RTN1: variants seen among roughly 807,000 people sequenced by gnomAD.
RTN1 encodes the protein reticulon 1.
A neutral mutation model predicts 65.5 loss-of-function variants in RTN1; 25 were observed. The ratio of observed to expected loss-of-function variants is 0.38; its 90% confidence interval spans 0.28 to 0.53. RTN1 has a LOEUF of 0.53. RTN1 is among the 20% of genes least tolerant of loss of function. RTN1 has a pLI of 0.79. For synonymous variants in RTN1, 471 were observed against 447.6 expected (o/e 1.05, Z -0.66); for missense variants, 983 against 1,025.4 (o/e 0.96, Z 0.57).
At chr14:59,738,872 C>A (rs1032244893) in intron 2 of RTN1, among the ~76,000 whole-genome samples, 39 of 152,282 alleles carry the variant, frequency 2.6e-4, no homozygotes, top group African/African-American at 9.1e-4. Context: ...AGCTGGAGGC[C>A]ATTATCCTTA....
chr14:59,795,118 T>G (rs1455256546), intron 1 of RTN1, among the ~76,000 whole-genome samples: 1 of 152,174 alleles, frequency 6.6e-6, no homozygotes, highest in East Asian at 1.9e-4. Context: ...TGTGTGTATG[T>G]TTGTGTGCAT....
chr14:59,666,847 T>C (rs1351377736), intron 3 of RTN1, among the ~76,000 whole-genome samples: 1 of 149,558 alleles, frequency 6.7e-6, no homozygotes, highest in Non-Finnish European at 1.5e-5. Flanking sequence ...CTAGAAGAAA[T>C]GGATAAATTC....
At chr14:59,854,632 T>C (rs561205595) in intron 1 of RTN1, among the ~76,000 whole-genome samples, 3 of 91,064 alleles carry the variant, frequency 3.3e-5, no homozygotes. Context: ...AGAGCAAGAC[T>C]GCGTCTCAAA....
At chr14:59,851,344 C>T (rs542004986) in intron 1 of RTN1, among the ~76,000 whole-genome samples, 14 of 152,210 alleles carry the variant, frequency 9.2e-5, no homozygotes, top group African/African-American at 3.4e-4. Context: ...TTGTTAAAGA[C>T]TCCTTTTAGA....
rs1010876409 is a variant in RTN1, at chr14:59,836,242, T to C, written c.241+34148A>G. On this transcript the variant is annotated intron_variant, in intron 1 of 8. Coordinates refer to ENST00000267484, the MANE Select transcript of RTN1 (RefSeq NM_021136.3). This position sits in a 1 kb window ranked among gnomAD's most constrained non-coding sequence, Gnocchi z 4.9. Reference sequence around the variant, plus strand: ...GTTCCAGGGATTAGACGTGGACACCTTTGGGAGCCATTATTCTGCCTACCA... The same window carrying C: ...GTTCCAGGGATTAGACGTGGACACCCTTGGGAGCCATTATTCTGCCTACCA... Among the ~76,000 whole-genome samples the C allele has an allele frequency of 2.6e-5, 4 of 152,258 alleles. No homozygotes were observed. The highest frequency in any genetic ancestry group is 9.6e-5 in the African/African-American group (4 of 41,474).
intron 1 of RTN1, among the ~76,000 whole-genome samples, chr14:59,842,029 G>A (rs936914151): frequency 7.9e-5 from 12 of 151,922 alleles, no homozygotes; most frequent in African/African-American, 2.9e-4. Context: ...AGGAAGCTGA[G>A]GCAAGAAAAT....
intron 1 of RTN1, among the ~76,000 whole-genome samples, chr14:59,860,509 A>G (rs752508255): frequency 6.6e-6 from 1 of 152,234 alleles, no homozygotes; most frequent in Non-Finnish European, 1.5e-5. Context: ...AGAGCCCCAC[A>G]CAGACTCCCT....
intron 3 of RTN1, among the ~76,000 whole-genome samples, chr14:59,609,315 G>T (rs1881870795): frequency 6.6e-6 from 1 of 151,550 alleles, no homozygotes. Flanking sequence ...CATTCATTTG[G>T]CCTAATCCTT....
At chr14:59,607,754 G>C (rs1405209602) in intron 3 of RTN1, 2 of 481,174 alleles carry the variant, frequency 4.2e-6, no homozygotes, top group South Asian at 4.1e-5. Context: ...ACCATATCGC[G>C]ATGGGTGTAG....
intron 1 of RTN1, among the ~76,000 whole-genome samples, chr14:59,771,497 T>A (rs752333199): frequency 2.0e-4 from 31 of 152,230 alleles, no homozygotes; most frequent in Non-Finnish European, 4.0e-4. Flanking sequence ...TAAAATGCCA[T>A]GCCTAAATTA....
rs866905216 is a variant in RTN1 at position 59,745,976 on chromosome 14, G to A, written c.747C>T (p.Ile249=). Residue 249 remains isoleucine, a synonymous_variant, in exon 2 of 9, where the codon ATC becomes ATT. Transcript: ENST00000267484. Reference sequence around the variant, plus strand: ...ATTCTTCCAATAAATGGTCCTTGATGATTTTTCCCTCCACAGGAGCTGGTT... The same window carrying A: ...ATTCTTCCAATAAATGGTCCTTGATAATTTTTCCCTCCACAGGAGCTGGTT... ...PDKPAPVEGK[I]IKDHLLEEST... The A allele has an allele frequency of 6.2e-7, 1 of 1,614,118 alleles. No individual in the cohort carries two copies. Among genetic ancestry groups the A allele is most frequent in the East Asian group, 2.2e-5 (1 of 44,884 alleles).
At chr14:59,725,156 T>A (rs1884731098) in intron 3 of RTN1, among the ~76,000 whole-genome samples, 2 of 152,218 alleles carry the variant, frequency 1.3e-5, no homozygotes, top group African/African-American at 4.8e-5. Context: ...CAGCTGCAGT[T>A]TTCCATCTCC....
At position 59,711,416 on chromosome 14, in the gene RTN1, T is replaced by C. The variant is rs79332747; in HGVS notation, c.1765+15503A>G. Reference sequence around the variant, plus strand: ...CTGAGAGATAAATGCTCTTCGTGAGTAATAGTAGGAGATCCACATATAATG... The same window carrying C: ...CTGAGAGATAAATGCTCTTCGTGAGCAATAGTAGGAGATCCACATATAATG... On this transcript the variant is annotated intron_variant, in intron 3 of 8. Coordinates refer to ENST00000267484, the MANE Select transcript of RTN1 (RefSeq NM_021136.3). Among the ~76,000 whole-genome samples, 468 of 152,284 alleles carry C rather than the reference T, an allele frequency of 3.1e-3. 2 individuals carry two copies. Among genetic ancestry groups the C allele is most frequent in the Non-Finnish European group, 5.6e-3 (378 of 68,028 alleles).
chr14:59,726,816 G>A (rs756943134), intron 3 of RTN1, 103 bp downstream of exon 3: 352 of 952,324 alleles, frequency 3.7e-4, no homozygotes, highest in Non-Finnish European at 5.4e-4. Context: ...TGTTTGATCA[G>A]CATGGGGATG....
intron 1 of RTN1, among the ~76,000 whole-genome samples, chr14:59,834,300 G>C (rs1159339553): frequency 2.6e-5 from 4 of 152,078 alleles, no homozygotes; most frequent in Non-Finnish European, 5.9e-5. Context: ...CCTTTGGTTA[G>C]GCAAAGATTT....
chr14:59,830,278 T>G (rs1041474729), intron 1 of RTN1, among the ~76,000 whole-genome samples: 7 of 152,330 alleles, frequency 4.6e-5, no homozygotes, highest in Middle Eastern at 3.4e-3. Context: ...GTGCCAACAT[T>G]AAAGATGTTT....
chr14:59,834,263 G>T (rs1036239716), intron 1 of RTN1, among the ~76,000 whole-genome samples: 3 of 151,970 alleles, frequency 2.0e-5, no homozygotes, highest in African/African-American at 7.2e-5. Context: ...ATTTCTAGAA[G>T]AAAACACAGG....
rs142469534 is a variant in RTN1 at position 59,771,386 on chromosome 14, T to C, written c.242-24905A>G. On this transcript the variant is annotated intron_variant, in intron 1 of 8. Transcript: ENST00000267484. The stretch of plus-strand genomic sequence containing the variant: ...CTGAACTGTGTGCAAGAAGTGCAGG[T>C]GTTGCTTTTTAAGGTGTCAACTTGG... Among the ~76,000 whole-genome samples, 22 of 152,328 alleles carry C rather than the reference T, an allele frequency of 1.4e-4. No homozygotes were observed. In the East Asian group the frequency reaches 4.2e-3, roughly 29 times the overall value.
In RTN1 at chr14:59,727,610, G is replaced by C; in HGVS notation, c.1074C>G (p.Thr358=). The part of the protein sequence containing the change: ...KGSISEDELI[T]AIKEAKGLSY... ...ATAATCCCTTTGCTTCTTTGATGGC[G>C]GTGATCAGCTCATCCTCGGAGATGC... is the stretch of plus-strand genomic sequence containing the variant. The change falls in exon 3 of 9, where the codon ACC becomes ACG. Residue 358 remains threonine (T), a synonymous_variant. Coordinates refer to ENST00000267484, the MANE Select transcript of RTN1 (RefSeq NM_021136.3). The surrounding 1 kb of genome is among the most constrained non-coding windows in gnomAD (Gnocchi z 4.2). 1 of 1,612,676 alleles carries C rather than the reference G, an allele frequency of 6.2e-7. No individual in the cohort carries two copies. The highest frequency in any genetic ancestry group is 1.7e-5 in the Admixed American group (1 of 59,834).
Sources: allele counts gnomAD v4.1 joint callset (sites outside exome capture counted in the v4.1 genomes callset), GRCh38; gene constraint gnomAD v4.1.1; non-coding constraint Gnocchi (gnomAD v3.1); transcripts MANE v1.5; gene names NCBI Gene and HGNC (gene_info 2026-07-23, HGNC 2026-07-21).